Variants in DIAPH3 observed in about 807,000 individuals in gnomAD.
DIAPH3 encodes the protein protein diaphanous homolog 3.
DIAPH3 carries 117 observed loss-of-function variants against 144.3 expected under a neutral mutation model. The observed-to-expected ratio is 0.81, with a 90% CI of 0.70 to 0.95. DIAPH3 has a LOEUF of 0.95. Ranked by LOEUF, DIAPH3 falls within the 40% of genes least tolerant of loss-of-function variation. The pLI is 0.00. For synonymous variants in DIAPH3, 519 were observed against 488.9 expected (o/e 1.06, Z -0.81); for missense variants, 1,421 against 1,412.7 (o/e 1.01, Z -0.09).
At chr13:59,879,194 C>G in intron 21 of DIAPH3, 35 bp downstream of exon 21, 1 of 1,612,968 alleles carries the variant, frequency 6.2e-7, no homozygotes, top group Non-Finnish European at 8.5e-7. Flanking sequence ...AGCAAGTGTT[C>G]AGGCAAATAT....
chr13:59,714,202 T>A, intron 27 of DIAPH3, among the ~76,000 whole-genome samples: 1 of 150,918 alleles, frequency 6.6e-6, no homozygotes, highest in East Asian at 2.0e-4. Context: ...CTACTAAAAA[T>A]ACAAAAAATT....
chr13:59,909,296 A>G (rs1377145088), intron 20 of DIAPH3, among the ~76,000 whole-genome samples: 1 of 151,800 alleles, frequency 6.6e-6, no homozygotes, highest in Admixed American at 6.6e-5. Context: ...GAGTACAGAA[A>G]ATTTCAGACA....
chr13:59,668,818 T>A (rs1265273322), intron 27 of DIAPH3, among the ~76,000 whole-genome samples: 1 of 142,476 alleles, frequency 7.0e-6, no homozygotes, highest in Non-Finnish European at 1.5e-5. Context: ...AAACTATATA[T>A]ATACACATAT....
chr13:59,927,251 C>T (rs1051340601), intron 17 of DIAPH3, among the ~76,000 whole-genome samples: 2 of 152,102 alleles, frequency 1.3e-5, no homozygotes, highest in Non-Finnish European at 2.9e-5. Context: ...CATATATTTG[C>T]ATCCCATTTT....
chr13:60,023,137 T>C (rs1279658296), intron 5 of DIAPH3, among the ~76,000 whole-genome samples: 2 of 152,198 alleles, frequency 1.3e-5, no homozygotes, highest in Non-Finnish European at 2.9e-5. Flanking sequence ...CTTCTTTAAG[T>C]TTGTGGTAAA....
intron 21 of DIAPH3, among the ~76,000 whole-genome samples, chr13:59,871,555 T>C (rs2044280529): frequency 6.6e-6 from 1 of 152,214 alleles, no homozygotes; most frequent in African/African-American, 2.4e-5. Context: ...TGAGTTTTCT[T>C]CTTTAGCTCA....
At chr13:59,911,676 G>A in intron 20 of DIAPH3, 59 bp downstream of exon 20, 2 of 1,241,700 alleles carry the variant, frequency 1.6e-6, no homozygotes, top group Non-Finnish European at 2.4e-6. Context: ...TATAAAAACA[G>A]TTGACAGGTT....
chr13:60,015,154 C>T (rs147352333), intron 7 of DIAPH3, among the ~76,000 whole-genome samples: 226 of 152,196 alleles, frequency 1.5e-3, no homozygotes, highest in African/African-American at 4.9e-3. Flanking sequence ...TGCCGCCATG[C>T]CCAGCTATTT....
intron 20 of DIAPH3, among the ~76,000 whole-genome samples, chr13:59,907,811 A>T (rs1231998849): frequency 6.6e-6 from 1 of 152,252 alleles, no homozygotes; most frequent in Non-Finnish European, 1.5e-5. Context: ...TGTCTACTAC[A>T]TATACATTTA....
intron 17 of DIAPH3, among the ~76,000 whole-genome samples, chr13:59,956,729 C>T (rs995743399): frequency 1.3e-5 from 2 of 152,178 alleles, no homozygotes; most frequent in African/African-American, 4.8e-5. Context: ...TTGCACCATG[C>T]ACCAGGAAAA....
intron 2 of DIAPH3, among the ~76,000 whole-genome samples, chr13:60,128,238 T>C (rs1384323496): frequency 6.6e-6 from 1 of 152,100 alleles, no homozygotes; most frequent in Admixed American, 6.6e-5. Flanking sequence ...AAGGACATGA[T>C]CTTGTTCTTT....
Position 60,023,948 on chromosome 13 carries a change from C to T in DIAPH3, c.627-7803G>A, listed in dbSNP as rs960481099. 7.4e-5 allele frequency among the ~76,000 whole-genome samples: 11 copies of T among 148,144 alleles called. No homozygotes were observed. The South Asian group carries it at 1.5e-3, about 21-fold the overall frequency. The stretch of plus-strand genomic sequence containing the variant: ...TCAGCTCATTGCAACCTCCGCCTCC[C>T]GGGTTCACACCATTCTCCTGCCTCA... On this transcript the variant is annotated intron_variant, in intron 5 of 27. Transcript: ENST00000400324.
At position 59,984,499 on chromosome 13, in the gene DIAPH3, T is replaced by C. The variant is rs570207506; in HGVS notation, c.1362-612A>G. Among the ~76,000 whole-genome samples the C allele has an allele frequency of 5.3e-5, 8 of 151,428 alleles. No homozygotes were observed. The South Asian group carries it at 1.0e-3, about 20-fold the overall frequency. Reference sequence around the variant, plus strand: ...TTCATGTTGTCATTACAGTTAAGTCTAGTCCATCTACACTGGTCATAGGTG... The same window carrying C: ...TTCATGTTGTCATTACAGTTAAGTCCAGTCCATCTACACTGGTCATAGGTG... On this transcript the variant is annotated intron_variant, in intron 12 of 27. Transcript: ENST00000400324.
chr13:59,997,307 T>C (rs2052265197), intron 9 of DIAPH3, among the ~76,000 whole-genome samples: 2 of 152,102 alleles, frequency 1.3e-5, no homozygotes, highest in African/African-American at 4.8e-5. Flanking sequence ...GTGATATTTG[T>C]CTCTCTGTGC....
chr13:59,792,011 A>G (rs2039353526), intron 25 of DIAPH3, among the ~76,000 whole-genome samples: 1 of 152,152 alleles, frequency 6.6e-6, no homozygotes, highest in African/African-American at 2.4e-5. Context: ...TGTCCTTCTG[A>G]TCTTTATTTC....
intron 18 of DIAPH3, among the ~76,000 whole-genome samples, chr13:59,916,503 T>C (rs1435100790): frequency 6.6e-6 from 1 of 152,106 alleles, no homozygotes; most frequent in Non-Finnish European, 1.5e-5. Context: ...TTTTAAATGC[T>C]CAGTTATTTA....
intron 25 of DIAPH3, among the ~76,000 whole-genome samples, chr13:59,794,716 C>T (rs1231677306): frequency 6.6e-6 from 1 of 151,924 alleles, no homozygotes; most frequent in Admixed American, 6.6e-5. Context: ...ATTGTGTGGC[C>T]CAGACTGGTC....
At chr13:60,116,776 A>T (rs930438622) in intron 2 of DIAPH3, among the ~76,000 whole-genome samples, 2 of 152,098 alleles carry the variant, frequency 1.3e-5, no homozygotes, top group Non-Finnish European at 2.9e-5. Context: ...ACAGTAATAG[A>T]AGACATAAAA....
chr13:59,685,745 T>G (rs1195451441), intron 27 of DIAPH3, among the ~76,000 whole-genome samples: 1 of 152,066 alleles, frequency 6.6e-6, no homozygotes, highest in East Asian at 1.9e-4. Flanking sequence ...TCACTGTTGG[T>G]TGTGTAGAAG....
Sources: allele counts gnomAD v4.1 joint callset (sites outside exome capture counted in the v4.1 genomes callset), GRCh38; gene constraint gnomAD v4.1.1; transcripts MANE v1.5; gene names NCBI Gene and HGNC (gene_info 2026-07-23, HGNC 2026-07-21).